The following VPS13C variants were observed in gnomAD, a reference collection of about 807,000 sequenced individuals.
VPS13C encodes the protein intermembrane lipid transfer protein VPS13C.
Under a neutral mutation model 456.8 loss-of-function variants are expected in VPS13C, and 358 were observed. That is an observed-to-expected ratio of 0.78 (90% confidence interval 0.72 to 0.86). VPS13C has a LOEUF of 0.86. VPS13C is among the 40% of genes least tolerant of loss of function. The pLI, the probability that VPS13C is intolerant of heterozygous loss-of-function variation, is 0.00. For synonymous variants in VPS13C, 1,578 were observed against 1,486.7 expected (o/e 1.06, Z -1.41); for missense variants, 4,818 against 4,385.4 (o/e 1.10, Z -2.79).
chr15:62,006,413 G>A (rs2046847932), intron 15 of VPS13C, among the ~76,000 whole-genome samples: 2 of 152,024 alleles, frequency 1.3e-5, no homozygotes, highest in Non-Finnish European at 1.5e-5. Flanking sequence ...TTTCATCCAT[G>A]TCCCTACAAG....
chr15:61,985,027 G>C lies in VPS13C; in HGVS notation c.1579-28C>G, dbSNP rs146803927. 1,319 of 1,351,252 alleles carry C rather than the reference G, an allele frequency of 9.8e-4. 15 individuals carry two copies. In the East Asian group the frequency reaches 0.026, roughly 27 times the overall value. 83.7% of individuals were successfully genotyped at this position (1,351,252 alleles called of 1,614,324 possible). A position where few individuals can be genotyped will look rare whatever the true frequency, so the allele number is the denominator to read the frequency against. On this transcript the variant is annotated intron_variant, in intron 18 of 84. Coordinates refer to ENST00000644861, the MANE Select transcript of VPS13C (RefSeq NM_020821.3). Reference sequence around the variant, plus strand: ...ATACAGAAAGAATGAAATTAAAATTGTTAAAGTTTAAATAATTATTACTTT... The same window carrying C: ...ATACAGAAAGAATGAAATTAAAATTCTTAAAGTTTAAATAATTATTACTTT...
At chr15:61,898,597 A>C (rs1013404565) in intron 66 of VPS13C, among the ~76,000 whole-genome samples, 145 of 151,552 alleles carry the variant, frequency 9.6e-4, no homozygotes, top group Non-Finnish European at 1.3e-3. Context: ...ACCCAGATTC[A>C]TAAAGCAAGT....
chr15:61,962,930 T>G (rs2045259281), intron 32 of VPS13C, 78 bp from the exon 33 acceptor site: 1 of 1,033,460 alleles, frequency 9.7e-7, no homozygotes, highest in African/African-American at 1.6e-5. Flanking sequence ...CATTATTTTA[T>G]TTTGGGGTGA....
At position 61,858,704 on chromosome 15, in the gene VPS13C, A is replaced by T. The variant is rs1349428056; in HGVS notation, c.10953-2295T>A. Among the ~76,000 whole-genome samples the T allele has an allele frequency of 3.3e-5, 5 of 152,212 alleles. No individual in the cohort carries two copies. The highest frequency in any genetic ancestry group is 7.3e-5 in the Non-Finnish European group (5 of 68,040). On this transcript the variant is annotated intron_variant, in intron 82 of 84. Coordinates refer to ENST00000644861, the MANE Select transcript of VPS13C (RefSeq NM_020821.3). The surrounding 1 kb of genome is among the most constrained non-coding windows in gnomAD (Gnocchi z 4.4). ...GACTATAAATCTGCGTAAGAGACCA[A>T]GAAGTCAGAGATTCAAAGCACCCTT... is the stretch of plus-strand genomic sequence containing the variant.
At chr15:62,058,957 C>G (rs2048896899) in intron 1 of VPS13C, among the ~76,000 whole-genome samples, 1 of 151,268 alleles carries the variant, frequency 6.6e-6, no homozygotes, top group Non-Finnish European at 1.5e-5. Flanking sequence ...ACAACAACAA[C>G]CAGGCTCTTC....
In VPS13C at chr15:61,875,768, A is replaced by G; in HGVS notation, c.10302T>C (p.Ser3434=). 1 of 1,611,180 alleles carries G rather than the reference A, an allele frequency of 6.2e-7. No individual in the cohort carries two copies. Among genetic ancestry groups the G allele is most frequent in the Non-Finnish European group, 8.5e-7 (1 of 1,178,654 alleles). The change falls in exon 76 of 85, where the codon TCT becomes TCC. Residue 3434 remains serine (S), a synonymous_variant. Transcript: ENST00000644861. Reference sequence around the variant, plus strand: ...CATAGAATAAAGCTTCAACTCCTTCAGACAGACCTCTAATTAATCCAAATG... The same window carrying G: ...CATAGAATAAAGCTTCAACTCCTTCGGACAGACCTCTAATTAATCCAAATG... The part of the protein sequence containing the change: ...GNPFGLIRGL[S]EGVEALFYEP...
Position 61,867,549 on chromosome 15 carries a change from T to C in VPS13C, c.10863+1110A>G, listed in dbSNP as rs1894679239. The C allele has an allele frequency of 2.0e-6, 2 of 1,007,696 alleles. No individual in the cohort carries two copies. The highest frequency in any genetic ancestry group is 1.1e-4 in the East Asian group (1 of 9,458). 62.4% of individuals were successfully genotyped at this position (1,007,696 alleles called of 1,614,324 possible). A position where few individuals can be genotyped will look rare whatever the true frequency, so the allele number is the denominator to read the frequency against. ...AGACTCACAAACATAAACATATTAA[T>C]TGGACATAATAATTGTCCTGTTTTT... On this transcript the variant is annotated intron_variant, in intron 81 of 84. Coordinates refer to ENST00000644861, the MANE Select transcript of VPS13C (RefSeq NM_020821.3). The surrounding 1 kb of genome is among the most constrained non-coding windows in gnomAD (Gnocchi z 5.0).
chr15:62,043,193 C>T (rs2048296635), intron 2 of VPS13C, among the ~76,000 whole-genome samples: 1 of 152,156 alleles, frequency 6.6e-6, no homozygotes, highest in Admixed American at 6.5e-5. Context: ...TGAGCACCTA[C>T]TAAGTGCCAG....
At chr15:62,039,035 A>T (rs560202135) in intron 3 of VPS13C, among the ~76,000 whole-genome samples, 1 of 152,330 alleles carries the variant, frequency 6.6e-6, no homozygotes, top group South Asian at 2.1e-4. Context: ...TATGGAAAAC[A>T]GTACGGAGAT....
rs1477141630 is a variant in VPS13C at position 61,867,177 on chromosome 15, C to T, written c.10863+1482G>A. The T allele has an allele frequency of 1.0e-6, 1 of 983,670 alleles. No individual in the cohort carries two copies. Among genetic ancestry groups the T allele is most frequent in the East Asian group, 1.1e-4 (1 of 8,826 alleles). 60.9% of individuals were successfully genotyped at this position (983,670 alleles called of 1,614,324 possible). On this transcript the variant is annotated intron_variant, in intron 81 of 84. Transcript: ENST00000644861. This position sits in a 1 kb window ranked among gnomAD's most constrained non-coding sequence, Gnocchi z 5.0. ...GCAATTTGCCTAATTACATGTTCAA[C>T]TTCTATCTACATTAATTAAAACTAA...
chr15:61,947,942 C>T (rs2044661924), intron 42 of VPS13C, among the ~76,000 whole-genome samples: 3 of 152,088 alleles, frequency 2.0e-5, no homozygotes, highest in Admixed American at 2.0e-4. Context: ...CAAACTAGCG[C>T]CCTAAATCCA....
chr15:62,057,288 A>C (rs1170807663), intron 1 of VPS13C, among the ~76,000 whole-genome samples: 1 of 152,216 alleles, frequency 6.6e-6, no homozygotes. Flanking sequence ...TAGAATTTTC[A>C]ATTTTTTGTA....
intron 53 of VPS13C, among the ~76,000 whole-genome samples, chr15:61,924,462 C>A (rs2043776326): frequency 1.3e-5 from 2 of 152,200 alleles, no homozygotes; most frequent in East Asian, 1.9e-4. Flanking sequence ...TACATATCCC[C>A]AATGCCTTGT....
intron 3 of VPS13C, among the ~76,000 whole-genome samples, chr15:62,035,523 T>C (rs2047964117): frequency 6.6e-6 from 1 of 151,936 alleles, no homozygotes; most frequent in African/African-American, 2.4e-5. Flanking sequence ...TAAATCCTTA[T>C]AGATCAACAG....
At chr15:62,028,933 G>A (rs945112727) in intron 5 of VPS13C, among the ~76,000 whole-genome samples, 1 of 151,772 alleles carries the variant, frequency 6.6e-6, no homozygotes, top group African/African-American at 2.4e-5. Context: ...CTTCTACTTC[G>A]CTCTCCAAAT....
rs55704364 is a variant in VPS13C at position 61,858,317 on chromosome 15, ACTAT to A, written c.10953-1912_10953-1909del. Among the ~76,000 whole-genome samples, 47,920 of 147,366 alleles carry A rather than the reference ACTAT, an allele frequency of 0.33. 7,801 individuals are homozygous for A. The highest frequency in any genetic ancestry group is 0.42 in the Middle Eastern group (123 of 290). ...ACTCGAGATTTTTATCCAAACTCCA[ACTAT>A]CTATCTATCTATCTATCTATCTATC... On this transcript the variant is annotated intron_variant, in intron 82 of 84. Coordinates refer to ENST00000644861, the MANE Select transcript of VPS13C (RefSeq NM_020821.3). The surrounding 1 kb of genome is among the most constrained non-coding windows in gnomAD (Gnocchi z 4.4).
chr15:61,856,319 A>C lies in VPS13C; in HGVS notation c.11043T>G (p.Ser3681Arg). The C allele has an allele frequency of 6.2e-7, 1 of 1,613,398 alleles. No homozygotes were observed. Among genetic ancestry groups the C allele is most frequent in the South Asian group, 1.1e-5 (1 of 91,030 alleles). Residue 3681 changes from serine to arginine, a missense_variant, in exon 83 of 85, where the codon AGT becomes AGG. Coordinates refer to ENST00000644861, the MANE Select transcript of VPS13C (RefSeq NM_020821.3). ...AAATTTTTAGCACATTTTCACTGAC[A>C]CTAGGAGGAAATACAAAATCTTCAA... is the stretch of plus-strand genomic sequence containing the variant. ...CPFEDFVFPP[S>R]VSENVLKISV...
chr15:61,981,006 A>G (rs1014477135), intron 22 of VPS13C, among the ~76,000 whole-genome samples: 11 of 152,168 alleles, frequency 7.2e-5, no homozygotes, highest in African/African-American at 2.7e-4. Context: ...TATATGTACA[A>G]TTTCCTATTG....
intron 16 of VPS13C, among the ~76,000 whole-genome samples, chr15:61,998,152 T>C (rs72749740): frequency 8.5e-5 from 13 of 152,292 alleles, no homozygotes; most frequent in Admixed American, 5.9e-4. Context: ...CAGTTACACT[T>C]TATTATTTCT....
Sources: allele counts gnomAD v4.1 joint callset (sites outside exome capture counted in the v4.1 genomes callset), GRCh38; gene constraint gnomAD v4.1.1; non-coding constraint Gnocchi (gnomAD v3.1); transcripts MANE v1.5; gene names NCBI Gene and HGNC (gene_info 2026-07-23, HGNC 2026-07-21).